ANO4: variants seen among roughly 807,000 people sequenced by gnomAD.
ANO4 encodes anoctamin 4.
ANO4 carries 69 observed loss-of-function variants against 141.9 expected under a neutral mutation model. The observed-to-expected ratio is 0.49, with a 90% confidence interval of 0.40 to 0.59. The LOEUF is 0.59. Ranked by LOEUF, ANO4 falls within the 20% of genes least tolerant of loss-of-function variation. The pLI, the probability that ANO4 is intolerant of heterozygous loss-of-function variation, is 0.00. For missense variants in ANO4, 894 were observed against 1,162.2 expected, an observed-to-expected ratio of 0.77 and a Z score of 3.36; for synonymous variants, 350 against 394.3, an observed-to-expected ratio of 0.89 and a Z score of 1.33.
chr12:100,843,903 A>G (rs1391849244), intron 1 of ANO4, among the ~76,000 whole-genome samples: 1 of 152,214 alleles, frequency 6.6e-6, no homozygotes, highest in African/African-American at 2.4e-5. Flanking sequence ...CTCTTCCGAT[A>G]GAAGCTGAGC....
chr12:101,028,423 A>C (rs2136537037), intron 9 of ANO4, among the ~76,000 whole-genome samples: 1 of 152,342 alleles, frequency 6.6e-6, no homozygotes, highest in East Asian at 1.9e-4. Flanking sequence ...AAAGAAGCTA[A>C]GAACCTTGAA....
chr12:100,915,786 A>T (rs185653142), intron 2 of ANO4, among the ~76,000 whole-genome samples: 1 of 152,170 alleles, frequency 6.6e-6, no homozygotes, highest in South Asian at 2.1e-4. Context: ...CATTTTTTCA[A>T]TGAGAAAGAT....
At chr12:101,065,583 G>A in intron 14 of ANO4, among the ~76,000 whole-genome samples, 1 of 152,216 alleles carries the variant, frequency 6.6e-6, no homozygotes, top group South Asian at 2.1e-4. Context: ...AATCTGAACA[G>A]ACCAATAATG....
chr12:100,748,226 C>G (rs559759897), intron 3 of ANO4, among the ~76,000 whole-genome samples: 25 of 152,298 alleles, frequency 1.6e-4, no homozygotes, highest in African/African-American at 5.3e-4. Flanking sequence ...TGTCTTATAA[C>G]AAATTGTGAC....
intron 3 of ANO4, among the ~76,000 whole-genome samples, chr12:100,786,005 C>T (rs1049839105): frequency 6.6e-6 from 1 of 152,190 alleles, no homozygotes; most frequent in African/African-American, 2.4e-5. Flanking sequence ...TTAAAATGCT[C>T]ATTCTGCTTT....
At chr12:100,924,791 G>A (rs891657536) in intron 3 of ANO4, among the ~76,000 whole-genome samples, 3 of 152,134 alleles carry the variant, frequency 2.0e-5, no homozygotes, top group Non-Finnish European at 2.9e-5. Context: ...AAGTGCTAGA[G>A]GTGAACTTAA....
chr12:101,062,822 C>T (rs1196416300), intron 14 of ANO4, among the ~76,000 whole-genome samples: 3 of 152,340 alleles, frequency 2.0e-5, no homozygotes, highest in Admixed American at 6.5e-5. Flanking sequence ...TTGCTGGGCT[C>T]CGTAGGGGTG....
chr12:101,087,821 C>T (rs2049568133), intron 17 of ANO4, among the ~76,000 whole-genome samples: 1 of 152,154 alleles, frequency 6.6e-6, no homozygotes, highest in Non-Finnish European at 1.5e-5. Flanking sequence ...TCCTCTATTT[C>T]TCTGGCTGTC....
At chr12:100,876,378 CT>C (rs1268855129) in intron 1 of ANO4, among the ~76,000 whole-genome samples, 1 of 151,338 alleles carries the variant, frequency 6.6e-6, no homozygotes, top group African/African-American at 2.4e-5. Flanking sequence ...GATAAAAATC[CT>C]GTTGGAATGA....
At chr12:100,762,362 A>G (rs922016341) in intron 3 of ANO4, among the ~76,000 whole-genome samples, 19 of 152,272 alleles carry the variant, frequency 1.2e-4, no homozygotes, top group African/African-American at 4.6e-4. Context: ...CCCCAGAACT[A>G]GCCACCTCAG....
intron 5 of ANO4, among the ~76,000 whole-genome samples, chr12:100,943,335 C>G (rs2136181534): frequency 7.2e-6 from 1 of 137,932 alleles, no homozygotes; most frequent in Admixed American, 7.5e-5. Flanking sequence ...TAAGATACTT[C>G]TGATTCTGTT....
intron 3 of ANO4, among the ~76,000 whole-genome samples, chr12:100,762,870 C>T (rs1187228806): frequency 6.6e-6 from 1 of 152,140 alleles, no homozygotes; most frequent in East Asian, 1.9e-4. Flanking sequence ...GCTGAGTCCT[C>T]AGCACTAAAA....
At chr12:101,077,871 G>T (rs1382489233) in intron 14 of ANO4, among the ~76,000 whole-genome samples, 1 of 152,178 alleles carries the variant, frequency 6.6e-6, no homozygotes, top group East Asian at 1.9e-4. Flanking sequence ...ATAAGGGATT[G>T]TGGACCTGTA....
chr12:101,016,171 G>T (rs77169055), intron 8 of ANO4, among the ~76,000 whole-genome samples: 1 of 152,144 alleles, frequency 6.6e-6, no homozygotes, highest in Non-Finnish European at 1.5e-5. Flanking sequence ...CTGAGACTGG[G>T]TAGCTTATAA....
intron 3 of ANO4, among the ~76,000 whole-genome samples, chr12:100,926,107 A>G (rs1205367485): frequency 6.6e-6 from 1 of 152,116 alleles, no homozygotes; most frequent in South Asian, 2.1e-4. Flanking sequence ...ATTTAATTGT[A>G]TGTTCATCCT....
upstream of ANO4, among the ~76,000 whole-genome samples, chr12:100,791,588 G>A (rs2034049066): frequency 6.6e-6 from 1 of 152,214 alleles, no homozygotes; most frequent in Non-Finnish European, 1.5e-5. Flanking sequence ...ACTTGGACTT[G>A]TGTCATTCCC....
At chr12:100,934,744 G>T (rs957214489) in intron 3 of ANO4, among the ~76,000 whole-genome samples, 4 of 152,206 alleles carry the variant, frequency 2.6e-5, no homozygotes, top group African/African-American at 9.6e-5. Context: ...TCTTCCATTT[G>T]TTTGTGTCCT....
intron 1 of ANO4, among the ~76,000 whole-genome samples, chr12:100,881,706 T>C (rs2039578242): frequency 1.3e-5 from 2 of 152,220 alleles, no homozygotes; most frequent in African/African-American, 4.8e-5. Context: ...CAGTGAGCTT[T>C]CTCCCAACTC....
rs139748453 is a variant in ANO4 at position 100,837,547 on chromosome 12, A to G, written c.-141+42520A>G. On this transcript the variant is annotated intron_variant, in intron 1 of 27. Coordinates refer to ENST00000392977, the MANE Select transcript of ANO4 (RefSeq NM_001286615.2). ...TCCCAGCACGTTGGGAGGCCGAGGC[A>G]GGAGGATTGCTTGAGCCCAGGAATT... 8.2e-3 allele frequency among the ~76,000 whole-genome samples: 1,252 copies of G among 152,142 alleles called. 18 individuals are homozygous for G. The highest frequency in any genetic ancestry group is 0.028 in the African/African-American group (1,183 of 41,510).
Sources: gnomAD v4.1 joint callset for allele counts (sites outside exome capture counted in the v4.1 genomes callset) on GRCh38, gnomAD v4.1.1 for gene constraint, MANE v1.5 for transcripts, NCBI Gene and HGNC (gene_info 2026-07-23, HGNC 2026-07-21) for gene names.